The following PRKCI variants were observed in gnomAD, a reference collection of about 807,000 sequenced individuals.
PRKCI encodes protein kinase C iota, also known as protein kinase C iota type.
A neutral mutation model predicts 84.0 loss-of-function variants in PRKCI; 43 were observed. The observed-to-expected ratio is 0.51, with a 90% CI of 0.40 to 0.66. The LOEUF (loss-of-function observed/expected upper bound fraction) is 0.66, where lower values mean the gene tolerates loss of function less well. Ranked by LOEUF, PRKCI falls within the 30% of genes least tolerant of loss-of-function variation. The pLI, the probability that PRKCI is intolerant of heterozygous loss-of-function variation, is 0.00. For synonymous variants in PRKCI, 216 were observed against 234.4 expected, an observed-to-expected ratio of 0.92 and a Z score of 0.72; for missense variants, 459 against 745.6, an observed-to-expected ratio of 0.62 and a Z score of 4.48.
chr3:170,225,056 G>A (rs1732593780), intron 1 of PRKCI, among the ~76,000 whole-genome samples: 1 of 152,180 alleles, frequency 6.6e-6, no homozygotes, highest in South Asian at 2.1e-4. Context: ...TTATTAAAAA[G>A]AAGAGAATAA....
At chr3:170,298,029 C>A (rs183834477) in intron 16 of PRKCI, among the ~76,000 whole-genome samples, 1 of 151,512 alleles carries the variant, frequency 6.6e-6, no homozygotes, top group Non-Finnish European at 1.5e-5. Context: ...CACGCCACCA[C>A]GCCCAGCTAA....
At chr3:170,258,970 G>A (rs1733656086) in intron 2 of PRKCI, among the ~76,000 whole-genome samples, 1 of 152,012 alleles carries the variant, frequency 6.6e-6, no homozygotes, top group Non-Finnish European at 1.5e-5. Flanking sequence ...TAGACACATA[G>A]CAGTGACAAT....
chr3:170,274,355 A>G (rs2108855672), intron 7 of PRKCI, among the ~76,000 whole-genome samples: 1 of 152,310 alleles, frequency 6.6e-6, no homozygotes, highest in Middle Eastern at 3.4e-3. Flanking sequence ...GCTGGTCTCG[A>G]ATTCCTGACC....
intron 3 of PRKCI, among the ~76,000 whole-genome samples, chr3:170,263,168 C>CA (rs10592710): frequency 2.2e-4 from 32 of 142,642 alleles, no homozygotes; most frequent in South Asian, 4.5e-4. Flanking sequence ...AACTCTGTCT[C>CA]AAAAAAAAAA....
intron 2 of PRKCI, among the ~76,000 whole-genome samples, chr3:170,258,385 A>G (rs1234168659): frequency 1.3e-5 from 2 of 151,112 alleles, no homozygotes; most frequent in Non-Finnish European, 2.9e-5. Context: ...GACTCACTAC[A>G]CCCTCTGCTT....
chr3:170,287,234 G>T (rs768729915), intron 12 of PRKCI, among the ~76,000 whole-genome samples: 9 of 152,020 alleles, frequency 5.9e-5, no homozygotes, highest in Non-Finnish European at 1.2e-4. Flanking sequence ...GGGAGGCTGA[G>T]ATGGGGGGAT....
At chr3:170,293,186 A>T (rs1192841823) in intron 13 of PRKCI, 197 bp from the exon 14 acceptor site, 2 of 417,572 alleles carry the variant, frequency 4.8e-6, no homozygotes, top group Non-Finnish European at 8.2e-6. Context: ...TTTTATTTTT[A>T]AAATTATCTT....
intron 11 of PRKCI, among the ~76,000 whole-genome samples, chr3:170,283,020 G>A (rs1333693077): frequency 6.7e-6 from 1 of 149,986 alleles, no homozygotes; most frequent in Non-Finnish European, 1.5e-5. Context: ...TAGGAGAATC[G>A]CTTGAGCCCG....
intron 9 of PRKCI, 97 bp downstream of exon 9, chr3:170,280,500 T>C: frequency 8.7e-7 from 1 of 1,155,336 alleles, no homozygotes; most frequent in Non-Finnish European, 1.2e-6. Flanking sequence ...CAGCCTGGAG[T>C]GCTAGTGGTG....
chr3:170,267,233 A>T (rs924372893), intron 4 of PRKCI, among the ~76,000 whole-genome samples: 1 of 151,602 alleles, frequency 6.6e-6, no homozygotes, highest in African/African-American at 2.4e-5. Flanking sequence ...AAAAAAAAGT[A>T]TTTTTTTTGT....
At chr3:170,291,719 A>G in intron 12 of PRKCI, 135 bp from the exon 13 acceptor site, 2 of 655,542 alleles carry the variant, frequency 3.1e-6, no homozygotes, top group Non-Finnish European at 5.4e-6. Context: ...TAATAAAGGC[A>G]ATTGTTCTAG....
At chr3:170,272,978 A>G (rs1217221138) in intron 6 of PRKCI, among the ~76,000 whole-genome samples, 1 of 152,190 alleles carries the variant, frequency 6.6e-6, no homozygotes, top group Admixed American at 6.6e-5. Context: ...AAAGATCTGA[A>G]GTGGAGCTTG....
In PRKCI at chr3:170,225,084, A is replaced by G. The variant is rs191864605; in HGVS notation, c.101+2314A>G. Among the ~76,000 whole-genome samples the G allele has an allele frequency of 6.2e-4, 95 of 152,340 alleles. No individual in the cohort carries two copies. The East Asian group carries it at 0.016, about 26-fold the overall frequency. ...GAGAATAAGGACATACAGCTTCTTT[A>G]GTGTTTGACTGCAATTTTTCCAAGA... On this transcript the variant is annotated intron_variant, in intron 1 of 17. Transcript: ENST00000295797.
At chr3:170,229,124 A>G (rs1031415426) in intron 1 of PRKCI, among the ~76,000 whole-genome samples, 15 of 152,102 alleles carry the variant, frequency 9.9e-5, no homozygotes, top group African/African-American at 3.1e-4. Context: ...GATATTCTAT[A>G]TCATATCGGT....
intron 2 of PRKCI, among the ~76,000 whole-genome samples, chr3:170,243,855 A>G (rs1008680943): frequency 6.6e-6 from 1 of 152,174 alleles, no homozygotes; most frequent in Admixed American, 6.5e-5. Flanking sequence ...GACGGACCTT[A>G]TGCCCAGGAA....
At chr3:170,268,912 A>T (rs199908745) in intron 5 of PRKCI, among the ~76,000 whole-genome samples, 64 of 151,652 alleles carry the variant, frequency 4.2e-4, no homozygotes, top group African/African-American at 1.2e-3. Flanking sequence ...TTTATTATTT[A>T]TTTATTTTTT....
chr3:170,242,416 G>C (rs1733157296), intron 2 of PRKCI, among the ~76,000 whole-genome samples: 1 of 148,540 alleles, frequency 6.7e-6, no homozygotes, highest in Non-Finnish European at 1.5e-5. Context: ...ACTCTAGCCT[G>C]GACCACAGAG....
Position 170,299,114 on chromosome 3 carries a change from A to G in PRKCI, c.1703+4A>G. Reference sequence around the variant, plus strand: ...TCCAGCTCACTCCAGATGACGAGTAAGTAATTCTGTACACTGAAATTTTTT... The same window carrying G: ...TCCAGCTCACTCCAGATGACGAGTAGGTAATTCTGTACACTGAAATTTTTT... On this transcript the variant is annotated splice_donor_region_variant and intron_variant, in intron 17 of 17. Coordinates refer to ENST00000295797, the MANE Select transcript of PRKCI (RefSeq NM_002740.6). The G allele has an allele frequency of 6.4e-7, 1 of 1,561,542 alleles. No homozygotes were observed. The highest frequency in any genetic ancestry group is 8.7e-7 in the Non-Finnish European group (1 of 1,155,988).
At chr3:170,249,537 C>G (rs1157741637) in intron 2 of PRKCI, among the ~76,000 whole-genome samples, 1 of 152,066 alleles carries the variant, frequency 6.6e-6, no homozygotes, top group African/African-American at 2.4e-5. Flanking sequence ...GCCTGTAATC[C>G]CAGCACTTTT....
Sources: gnomAD v4.1 joint callset for allele counts (sites outside exome capture counted in the v4.1 genomes callset) on GRCh38, gnomAD v4.1.1 for gene constraint, MANE v1.5 for transcripts, NCBI Gene and HGNC (gene_info 2026-07-23, HGNC 2026-07-21) for gene names.